Variants in SMCO2 observed in about 807,000 individuals in gnomAD.
SMCO2 encodes the protein single-pass membrane protein with coiled-coil domains 2.
Under a neutral mutation model 29.5 loss-of-function variants are expected in SMCO2, and 25 were observed. The observed-to-expected ratio is 0.85, with a 90% CI of 0.62 to 1.18. The LOEUF is 1.18. SMCO2 is among the 50% of genes most tolerant of loss of function. SMCO2 has a pLI of 0.00. For missense variants in SMCO2, 348 were observed against 344.5 expected, an observed-to-expected ratio of 1.01 and a Z score of -0.08; for synonymous variants, 117 against 123.3, an observed-to-expected ratio of 0.95 and a Z score of 0.34.
At chr12:27,477,736 T>G (rs1242066587) in intron 4 of SMCO2, among the ~76,000 whole-genome samples, 1 of 151,642 alleles carries the variant, frequency 6.6e-6, no homozygotes, top group Non-Finnish European at 1.5e-5. Context: ...TTCAGCTCTT[T>G]ATTATATTTT....
At chr12:27,477,210 GTTT>G (rs770789669) in intron 4 of SMCO2, among the ~76,000 whole-genome samples, 28 of 62,652 alleles carry the variant, frequency 4.5e-4, no homozygotes, top group Non-Finnish European at 5.4e-4. Context: ...TGGCTGTCAG[GTTT>G]TTTTTTTTTT....
At chr12:27,453,789 C>T in the SMCO2 span, among the ~76,000 whole-genome samples, 4 of 152,312 alleles carry the variant, frequency 2.6e-5, no homozygotes, top group Admixed American at 2.6e-4. Flanking sequence ...TTCCTGTTAA[C>T]TAGCATTAGT....
intron 4 of SMCO2, among the ~76,000 whole-genome samples, chr12:27,479,241 T>C (rs1383187922): frequency 6.6e-6 from 1 of 151,954 alleles, no homozygotes; most frequent in Non-Finnish European, 1.5e-5. Flanking sequence ...TCTGGGCCCC[T>C]GGATAGTGTG....
intron 7 of SMCO2, among the ~76,000 whole-genome samples, chr12:27,501,019 A>G (rs894047633): frequency 2.0e-5 from 3 of 150,716 alleles, no homozygotes; most frequent in Non-Finnish European, 4.4e-5. Flanking sequence ...CCCTAATCAT[A>G]TAATACATTT....
intron 4 of SMCO2, among the ~76,000 whole-genome samples, chr12:27,487,191 T>G (rs1949695788): frequency 1.3e-5 from 2 of 152,244 alleles, no homozygotes; most frequent in African/African-American, 4.8e-5. Flanking sequence ...AATCATTGCA[T>G]AAGATGCACT....
At chr12:27,492,946 T>G (rs1450896881) in intron 5 of SMCO2, among the ~76,000 whole-genome samples, 2 of 152,166 alleles carry the variant, frequency 1.3e-5, no homozygotes, top group Non-Finnish European at 2.9e-5. Context: ...TGCCCATCAA[T>G]GACAGTTGGG....
At chr12:27,468,659 G>A (rs528170609) in intron 1 of SMCO2, among the ~76,000 whole-genome samples, 2 of 152,308 alleles carry the variant, frequency 1.3e-5, no homozygotes, top group South Asian at 4.2e-4. Flanking sequence ...AACACAGGAA[G>A]TTCTATTGGA....
At chr12:27,478,637 C>T (rs1418046894) in intron 4 of SMCO2, among the ~76,000 whole-genome samples, 1 of 152,008 alleles carries the variant, frequency 6.6e-6, no homozygotes, top group Non-Finnish European at 1.5e-5. Flanking sequence ...GCTGGGCAGG[C>T]TGGTCCCTAA....
At chr12:27,440,936 A>G in the SMCO2 span, among the ~76,000 whole-genome samples, 2 of 152,210 alleles carry the variant, frequency 1.3e-5, no homozygotes, top group African/African-American at 4.8e-5. Flanking sequence ...CTAACACTGA[A>G]TGTAAATTGT....
chr12:27,435,948 C>T, the SMCO2 span, among the ~76,000 whole-genome samples: 1 of 152,200 alleles, frequency 6.6e-6, no homozygotes, highest in Non-Finnish European at 1.5e-5. Flanking sequence ...ATTGCTTAAA[C>T]AACAAACATT....
chr12:27,473,061 G>A (rs1565674805), intron 3 of SMCO2, 186 bp downstream of exon 3: 8 of 512,136 alleles, frequency 1.6e-5, no homozygotes, highest in South Asian at 2.8e-5. Flanking sequence ...ACTGGATGCT[G>A]CTGTTACCAC....
At chr12:27,469,100 A>AT (rs922621678) in intron 1 of SMCO2, among the ~76,000 whole-genome samples, 9 of 152,116 alleles carry the variant, frequency 5.9e-5, no homozygotes, top group Non-Finnish European at 1.2e-4. Flanking sequence ...ATGGTATTCT[A>AT]TTTTTTGGAC....
chr12:27,440,386 T>TA, the SMCO2 span, among the ~76,000 whole-genome samples: 1 of 152,082 alleles, frequency 6.6e-6, no homozygotes, highest in African/African-American at 2.4e-5. Context: ...AAAAAAACAC[T>TA]AACGTGCAAA....
At chr12:27,452,138 G>A in the SMCO2 span, among the ~76,000 whole-genome samples, 1 of 152,174 alleles carries the variant, frequency 6.6e-6, no homozygotes, top group Non-Finnish European at 1.5e-5. Flanking sequence ...CGGAGTCATA[G>A]GGTGGATACT....
At chr12:27,435,870 C>G in the SMCO2 span, among the ~76,000 whole-genome samples, 1,124 of 152,332 alleles carry the variant, frequency 7.4e-3, 14 homozygotes, top group African/African-American at 0.025. Flanking sequence ...TCTTCACCCA[C>G]TTCTATCTTT....
chr12:27,489,191 G>A (rs1428448424), intron 5 of SMCO2, among the ~76,000 whole-genome samples: 1 of 152,078 alleles, frequency 6.6e-6, no homozygotes, highest in Non-Finnish European at 1.5e-5. Flanking sequence ...TGGGATTACG[G>A]GTGTGTGCCA....
At chr12:27,445,572 A>G in the SMCO2 span, among the ~76,000 whole-genome samples, 2 of 152,328 alleles carry the variant, frequency 1.3e-5, no homozygotes, top group South Asian at 2.1e-4. Flanking sequence ...AAAACTTGCA[A>G]CGTAAACTAT....
At chr12:27,475,776 T>G (rs1260121337) in intron 4 of SMCO2, 45 bp downstream of exon 5, 1 of 1,396,858 alleles carries the variant, frequency 7.2e-7, no homozygotes, top group Non-Finnish European at 9.3e-7. Flanking sequence ...GCAGAAAGTT[T>G]CATAGCTTTA....
chr12:27,429,145 G>T, the SMCO2 span, among the ~76,000 whole-genome samples: 1,522 of 152,146 alleles, frequency 0.01, 10 homozygotes, highest in Middle Eastern at 0.031. Context: ...GGAGTAAAAA[G>T]ACACTATTTC....
Sources: allele counts gnomAD v4.1 joint callset (sites outside exome capture counted in the v4.1 genomes callset), GRCh38; gene constraint gnomAD v4.1.1; transcripts MANE v1.5; gene names NCBI Gene and HGNC (gene_info 2026-07-23, HGNC 2026-07-21).